The following TCF4 variants were observed in gnomAD, a reference collection of about 807,000 sequenced individuals.
The protein encoded by TCF4 is SL3-3 enhancer factor 2.
TCF4 carries 3 observed loss-of-function variants against 82.1 expected under a neutral mutation model. The ratio of observed to expected loss-of-function variants is 0.04; its 90% CI spans 0.02 to 0.09. The LOEUF (loss-of-function observed/expected upper bound fraction) is 0.09, where lower values mean the gene tolerates loss of function less well. TCF4 is among the 10% of genes least tolerant of loss of function. The probability of loss-of-function intolerance (pLI) is 1.00; values close to 1 mark genes in which losing one functional copy is unlikely to be tolerated. For synonymous variants in TCF4, 276 were observed against 309.6 expected (o/e 0.89, Z 1.14); for missense variants, 518 against 852.7 (o/e 0.61, Z 4.89).
chr18:55,271,125 C>T (rs1475135993), intron 10 of TCF4, among the ~76,000 whole-genome samples: 1 of 152,078 alleles, frequency 6.6e-6, no homozygotes, highest in Non-Finnish European at 1.5e-5. Flanking sequence ...GCCCTGTTTA[C>T]TCTGTGAGAT....
At chr18:55,308,472 C>T (rs759025038) in intron 8 of TCF4, among the ~76,000 whole-genome samples, 3 of 152,140 alleles carry the variant, frequency 2.0e-5, no homozygotes, top group Admixed American at 1.3e-4. Context: ...CCAGCTCTCT[C>T]GGGAGCATTC....
chr18:55,302,404 C>G, intron 8 of TCF4: 1 of 1,536,346 alleles, frequency 6.5e-7, no homozygotes, highest in Non-Finnish European at 8.7e-7. Flanking sequence ...TTTGGGGAGA[C>G]TCTGACCTTA....
Position 55,257,289 on chromosome 18 carries a change from G to A in TCF4, c.1146+26C>T, listed in dbSNP as rs180929470. ...AAGAACATGACCTGAAAATGGGTGG[G>A]ACAGAGATTAGCAAATGAGACATAC... On this transcript the variant is annotated intron_variant, in intron 14 of 19. Coordinates refer to ENST00000354452, the MANE Select transcript of TCF4 (RefSeq NM_001083962.2). 4 of 1,606,430 alleles carry A rather than the reference G, an allele frequency of 2.5e-6. No individual in the cohort carries two copies. The East Asian group carries it at 6.7e-5, about 27-fold the overall frequency.
At chr18:55,433,798 C>T (rs2095262042) in intron 5 of TCF4, among the ~76,000 whole-genome samples, 1 of 152,146 alleles carries the variant, frequency 6.6e-6, no homozygotes, top group African/African-American at 2.4e-5. Context: ...ATTTTAGTTC[C>T]AAGCAAGCCT....
chr18:55,576,328 T>C (rs938348402), intron 3 of TCF4, among the ~76,000 whole-genome samples: 13 of 152,154 alleles, frequency 8.5e-5, no homozygotes, highest in African/African-American at 2.9e-4. Flanking sequence ...GGACACAAAA[T>C]CTTCAATTTC....
rs1490272263 is a variant in TCF4 at position 55,396,104 on chromosome 18, A to C, written c.369+7350T>G. ...CCAGTGGGCCTGGAATCGACCAGACAGGGTTTTCTAGATGAGAACTAATAT... is the reference window on the plus strand; with the variant it reads ...CCAGTGGGCCTGGAATCGACCAGACCGGGTTTTCTAGATGAGAACTAATAT... On this transcript the variant is annotated intron_variant, in intron 6 of 19. Transcript: ENST00000354452. 3.3e-5 allele frequency among the ~76,000 whole-genome samples: 5 copies of C among 152,146 alleles called. No individual in the cohort carries two copies. In the East Asian group the frequency reaches 9.6e-4, roughly 29 times the overall value.
intron 6 of TCF4, among the ~76,000 whole-genome samples, chr18:55,362,405 G>C (rs374914749): frequency 7.9e-6 from 1 of 126,932 alleles, no homozygotes; most frequent in Non-Finnish European, 1.7e-5. Flanking sequence ...AAGGAAGGAA[G>C]GAAGGAAGGA....
intron 16 of TCF4, among the ~76,000 whole-genome samples, chr18:55,233,975 ATG>A (rs988083740): frequency 4.0e-5 from 6 of 151,812 alleles, no homozygotes; most frequent in African/African-American, 1.5e-4. Flanking sequence ...TTTATATTAA[ATG>A]TGAAGGGACT....
intron 8 of TCF4, among the ~76,000 whole-genome samples, chr18:55,293,949 T>TTG (rs2065790291): frequency 7.5e-6 from 1 of 133,532 alleles, no homozygotes; most frequent in Non-Finnish European, 1.6e-5. Context: ...TTTTTTTTTT[T>TTG]TTTTTTTTTT....
intron 2 of TCF4, among the ~76,000 whole-genome samples, chr18:55,604,943 A>G (rs1010995590): frequency 1.3e-5 from 2 of 152,210 alleles, no homozygotes; most frequent in African/African-American, 4.8e-5. Flanking sequence ...TTGAAATAAA[A>G]CAATTGAAAT....
At chr18:55,609,675 T>C (rs987655768) in intron 2 of TCF4, among the ~76,000 whole-genome samples, 7 of 152,194 alleles carry the variant, frequency 4.6e-5, no homozygotes, top group African/African-American at 1.7e-4. Context: ...ACAGATGATA[T>C]GTGAACTTGG....
intron 3 of TCF4, chr18:55,510,909 A>C (rs1248707130): frequency 9.2e-6 from 4 of 433,966 alleles, no homozygotes; most frequent in Non-Finnish European, 1.3e-5. Context: ...TGAATCAACA[A>C]GATCTCTGCC....
intron 10 of TCF4, among the ~76,000 whole-genome samples, chr18:55,270,567 A>C (rs1451633195): frequency 6.6e-6 from 1 of 152,158 alleles, no homozygotes; most frequent in Non-Finnish European, 1.5e-5. Flanking sequence ...ACTGAATTAA[A>C]TTAGGACCAC....
upstream of TCF4, chr18:55,588,378 A>C (rs1246592007): frequency 3.9e-6 from 6 of 1,527,128 alleles, no homozygotes; most frequent in South Asian, 4.8e-5. Flanking sequence ...GCTAGGATGC[A>C]TCCCCCTCGC....
intron 5 of TCF4, among the ~76,000 whole-genome samples, chr18:55,443,680 C>A (rs921199230): frequency 3.3e-5 from 5 of 152,122 alleles, no homozygotes; most frequent in African/African-American, 7.2e-5. Flanking sequence ...AAATCAAGAA[C>A]CACATTTCCT....
intron 6 of TCF4, chr18:55,401,176 C>G: frequency 8.1e-7 from 1 of 1,235,310 alleles, no homozygotes; most frequent in South Asian, 1.4e-5. Context: ...ATGGTCTGTT[C>G]TATTCTCAAA....
chr18:55,294,154 G>T (rs549047361), intron 8 of TCF4, among the ~76,000 whole-genome samples: 1 of 151,144 alleles, frequency 6.6e-6, no homozygotes, highest in Admixed American at 6.6e-5. Flanking sequence ...CAGCTACTTG[G>T]GGGGCTGAGG....
intron 5 of TCF4, among the ~76,000 whole-genome samples, chr18:55,425,273 C>G (rs1253074731): frequency 2.0e-5 from 3 of 151,978 alleles, no homozygotes; most frequent in African/African-American, 7.2e-5. Flanking sequence ...GAAATGAAAG[C>G]TTTGTCTCTT....
At chr18:55,483,920 C>T (rs2096479597) in intron 3 of TCF4, among the ~76,000 whole-genome samples, 1 of 152,194 alleles carries the variant, frequency 6.6e-6, no homozygotes, top group African/African-American at 2.4e-5. Flanking sequence ...CAATAAATAT[C>T]CTAGAGCAGT....
Sources: gnomAD v4.1 joint callset for allele counts (sites outside exome capture counted in the v4.1 genomes callset) on GRCh38, gnomAD v4.1.1 for gene constraint, MANE v1.5 for transcripts, NCBI Gene and HGNC (gene_info 2026-07-23, HGNC 2026-07-21) for gene names.